The following NECTIN3 variants were observed in gnomAD, a reference collection of about 807,000 sequenced individuals.
NECTIN3 encodes nectin-3.
In NECTIN3, 8 loss-of-function variants were observed where a neutral mutation model predicts 49.4. That is an observed-to-expected ratio of 0.16 (90% CI 0.10 to 0.29). NECTIN3 has a LOEUF of 0.29. NECTIN3 is among the 10% of genes least tolerant of loss of function. NECTIN3 has a pLI of 1.00. For synonymous variants in NECTIN3, 277 were observed against 241.1 expected, an observed-to-expected ratio of 1.15 and a Z score of -1.38; for missense variants, 581 against 654.6, an observed-to-expected ratio of 0.89 and a Z score of 1.23.
chr3:111,105,150 CTT>C (rs63305862), intron 1 of NECTIN3, among the ~76,000 whole-genome samples: 6 of 133,770 alleles, frequency 4.5e-5, no homozygotes, highest in Non-Finnish European at 6.7e-5. Context: ...TTTCTTTTTT[CTT>C]TTTTTTTTGA....
downstream of NECTIN3, among the ~76,000 whole-genome samples, chr3:111,140,819 T>C (rs1647632621): frequency 6.6e-6 from 1 of 151,974 alleles, no homozygotes; most frequent in African/African-American, 2.4e-5. Context: ...GGGTGCTCTG[T>C]GTGGCAGGAA....
chr3:111,112,129 C>T lies in NECTIN3; in HGVS notation c.260C>T (p.Thr87Ile), dbSNP rs749998282. The change falls in exon 2 of 6, where the codon ACA (threonine) becomes ATA (isoleucine). Residue 87 changes from threonine to isoleucine, a missense_variant. By Grantham distance (89) the Thr-to-Ile change is moderately conservative. Coordinates refer to ENST00000485303, the MANE Select transcript of NECTIN3 (RefSeq NM_015480.3). ...KCLIEVNETI[T>I]QISWEKIHGK... ...TTAATTGAAGTAAATGAAACCATAACACAGATTTCATGGGAGAAGATACAT... is the reference window on the plus strand; with the variant it reads ...TTAATTGAAGTAAATGAAACCATAATACAGATTTCATGGGAGAAGATACAT... 2 of 1,613,400 alleles carry T rather than the reference C, an allele frequency of 1.2e-6. No homozygotes were observed. Among genetic ancestry groups the T allele is most frequent in the Middle Eastern group, 1.6e-4 (1 of 6,062 alleles).
At chr3:111,098,111 T>C (rs769510705) in intron 1 of NECTIN3, among the ~76,000 whole-genome samples, 3 of 152,208 alleles carry the variant, frequency 2.0e-5, no homozygotes, top group Non-Finnish European at 4.4e-5. Flanking sequence ...GGTTTTAATC[T>C]GTAAAGTTAT....
Position 111,133,930 on chromosome 3 carries a change from A to C in NECTIN3, c.1365A>C (p.Ile455=). The C allele has an allele frequency of 6.2e-7, 1 of 1,613,952 alleles. No individual in the cohort carries two copies. The highest frequency in any genetic ancestry group is 8.5e-7 in the Non-Finnish European group (1 of 1,179,890). The change falls in exon 6 of 6, where the codon ATA becomes ATC. Residue 455 remains isoleucine, a synonymous_variant. Transcript: ENST00000485303. ...CAGATATGCAAAAAGAATCACAAAT[A>C]GATGTTCTTCAACAAGATGAGCTTG... The part of the protein sequence containing the change: ...PPSDMQKESQ[I]DVLQQDELDS...
At chr3:111,125,983 G>A (rs2034149680) in intron 4 of NECTIN3, among the ~76,000 whole-genome samples, 1 of 151,952 alleles carries the variant, frequency 6.6e-6, no homozygotes, top group South Asian at 2.1e-4. Context: ...TTGGAAGAAT[G>A]GGTGTTCTTA....
intron 1 of NECTIN3, among the ~76,000 whole-genome samples, chr3:111,104,013 C>T (rs2033050113): frequency 6.6e-6 from 1 of 152,156 alleles, no homozygotes; most frequent in African/African-American, 2.4e-5. Flanking sequence ...CACATGCCTT[C>T]TTTTCTGATG....
At chr3:111,085,835 G>A (rs1321687406) in intron 1 of NECTIN3, among the ~76,000 whole-genome samples, 1 of 151,776 alleles carries the variant, frequency 6.6e-6, no homozygotes, top group South Asian at 2.1e-4. Flanking sequence ...GAACATCATC[G>A]TGCCTGTTTT....
intron 1 of NECTIN3, among the ~76,000 whole-genome samples, chr3:111,085,094 C>T (rs909822803): frequency 6.6e-5 from 10 of 152,204 alleles, no homozygotes; most frequent in Admixed American, 4.6e-4. Context: ...TGTCACATGA[C>T]GTTTTCCCTG....
At chr3:111,150,292 C>A (rs2034973017) in intron 7 of NECTIN3, among the ~76,000 whole-genome samples, 1 of 151,484 alleles carries the variant, frequency 6.6e-6, no homozygotes, top group Admixed American at 6.6e-5. Context: ...ATCGCTTGAA[C>A]TATCAAGAGA....
chr3:111,102,992 A>G (rs1458923205), intron 1 of NECTIN3, among the ~76,000 whole-genome samples: 1 of 152,148 alleles, frequency 6.6e-6, no homozygotes, highest in East Asian at 1.9e-4. Context: ...TTTGGGCTCT[A>G]TTCTGTTCCA....
upstream of NECTIN3, among the ~76,000 whole-genome samples, chr3:111,188,241 T>G (rs1450867687): frequency 3.9e-5 from 6 of 152,104 alleles, no homozygotes; most frequent in Admixed American, 3.9e-4. Context: ...CTTGTCAGAG[T>G]TTATATAGCC....
At chr3:111,099,371 A>G (rs1053230159) in intron 1 of NECTIN3, among the ~76,000 whole-genome samples, 1 of 152,194 alleles carries the variant, frequency 6.6e-6, no homozygotes, top group Non-Finnish European at 1.5e-5. Context: ...TAAAATTATT[A>G]ATAATGTTTC....
At chr3:111,178,447 C>A (rs1211388986) in intron 7 of NECTIN3, among the ~76,000 whole-genome samples, 1 of 152,144 alleles carries the variant, frequency 6.6e-6, no homozygotes, top group African/African-American at 2.4e-5. Context: ...AAATACCCTC[C>A]TCATAAATTT....
chr3:111,151,290 GC>G (rs1292569446), intron 7 of NECTIN3, among the ~76,000 whole-genome samples: 2 of 151,686 alleles, frequency 1.3e-5, no homozygotes, highest in South Asian at 4.1e-4. Flanking sequence ...AAGGAATCAA[GC>G]CCTTTTTTAT....
intron 7 of NECTIN3, chr3:111,147,606 A>G (rs1180788710): frequency 1.2e-6 from 1 of 833,418 alleles, no homozygotes; most frequent in Non-Finnish European, 1.8e-6. Flanking sequence ...TTTAGTCATT[A>G]TGCATTAAAT....
chr3:111,101,497 T>TATTTGAAGCTGAAAAATTA (rs1472619071), intron 1 of NECTIN3, among the ~76,000 whole-genome samples: 6 of 152,300 alleles, frequency 3.9e-5, no homozygotes, highest in African/African-American at 1.4e-4. Flanking sequence ...AACGTAAACT[T>TATTTGAAGCTGAAAAATTA]TTAAAAATTA....
chr3:111,127,757 G>T (rs957309062), intron 5 of NECTIN3, among the ~76,000 whole-genome samples: 11 of 151,872 alleles, frequency 7.2e-5, no homozygotes, highest in Admixed American at 7.2e-4. Flanking sequence ...AGAGACAGGG[G>T]TGGTCTCTCT....
Position 111,136,674 on chromosome 3 carries a change from T to G in NECTIN3, c.*2459T>G. ...GGTATATATGAAAATTCTACTATCG[T>G]GAAAAAAAATGAATATTTGTACTAT... is the stretch of plus-strand genomic sequence containing the variant. On this transcript the variant is annotated 3_prime_UTR_variant, in exon 6 of 6. Coordinates refer to ENST00000485303, the MANE Select transcript of NECTIN3 (RefSeq NM_015480.3). 1.1e-6 allele frequency: 1 copy of G among 909,856 alleles called. No homozygotes were observed. The highest frequency in any genetic ancestry group is 1.2e-4 in the East Asian group (1 of 8,422). 56.4% of individuals were successfully genotyped at this position (909,856 alleles called of 1,614,324 possible).
At position 111,134,891 on chromosome 3, in the gene NECTIN3, G is replaced by T; in HGVS notation, c.*676G>T. 1 of 983,808 alleles carries T rather than the reference G, an allele frequency of 1.0e-6. No homozygotes were observed. The highest frequency in any genetic ancestry group is 1.7e-5 in the African/African-American group (1 of 57,230). The allele number at this position is 983,808 out of a possible 1,614,324, so 60.9% of individuals were successfully genotyped here. On this transcript the variant is annotated 3_prime_UTR_variant, in exon 6 of 6. Transcript: ENST00000485303. Reference sequence around the variant, plus strand: ...AACTCAGTGAACATGATGTGTGGAAGAGCATAATTAGCTGGTCAATATTTT... The same window carrying T: ...AACTCAGTGAACATGATGTGTGGAATAGCATAATTAGCTGGTCAATATTTT...
Sources: gnomAD v4.1 joint callset for allele counts (sites outside exome capture counted in the v4.1 genomes callset) on GRCh38, gnomAD v4.1.1 for gene constraint, MANE v1.5 for transcripts, NCBI Gene and HGNC (gene_info 2026-07-23, HGNC 2026-07-21) for gene names.